EXPH5: variants seen among roughly 807,000 people sequenced by gnomAD.
EXPH5 encodes exophilin-5.
A neutral mutation model predicts 41.1 loss-of-function variants in EXPH5; 42 were observed. The ratio of observed to expected loss-of-function variants is 1.02; its 90% confidence interval spans 0.80 to 1.32. The LOEUF (loss-of-function observed/expected upper bound fraction) is 1.32. Ranked by LOEUF, EXPH5 falls within the 40% of genes most tolerant of loss-of-function variation. The pLI, the probability that EXPH5 is intolerant of heterozygous loss-of-function variation, is 0.00. For missense variants in EXPH5, 2,298 were observed against 2,314.5 expected (o/e 0.99, Z 0.15); for synonymous variants, 798 against 833.5 (o/e 0.96, Z 0.73).
intron 1 of EXPH5, among the ~76,000 whole-genome samples, chr11:108,570,588 C>T (rs930650948): frequency 3.3e-5 from 5 of 152,142 alleles, no homozygotes; most frequent in African/African-American, 1.2e-4. Flanking sequence ...CTCTGTTGCT[C>T]GGGCTGCAGT....
chr11:108,600,588 A>G, the EXPH5 span, among the ~76,000 whole-genome samples: 13 of 152,324 alleles, frequency 8.5e-5, no homozygotes, highest in African/African-American at 3.1e-4. Context: ...AGGACCTACT[A>G]GTGTCTGGGT....
chr11:108,521,959 C>A (rs1439768076), intron 4 of EXPH5, among the ~76,000 whole-genome samples: 1 of 152,126 alleles, frequency 6.6e-6, no homozygotes, highest in Admixed American at 6.5e-5. Flanking sequence ...ACAGAGGGGT[C>A]ACGTGAAGAG....
At position 108,512,370 on chromosome 11, in the gene EXPH5, C is replaced by G. The variant is rs369838296; in HGVS notation, c.3137G>C (p.Arg1046Thr). The change falls in exon 6 of 6, where the codon AGG becomes ACG. Residue 1046 changes from arginine (R) to threonine (T), a missense_variant. Transcript: ENST00000265843. ...GATTTGGAAGGGAGGTGGCCCATTCCTCAATGAAGCAGCCATTATTTTACT... is the reference window on the plus strand; with the variant it reads ...GATTTGGAAGGGAGGTGGCCCATTCGTCAATGAAGCAGCCATTATTTTACT... ...SGSKIMAASL[R>T]NGPPPFQIKN... The G allele has an allele frequency of 8.7e-6, 14 of 1,609,780 alleles. No homozygotes were observed. Among genetic ancestry groups the G allele is most frequent in the African/African-American group, 1.3e-5 (1 of 74,786 alleles).
intron 1 of EXPH5, among the ~76,000 whole-genome samples, chr11:108,557,262 G>A (rs112701403): frequency 3.9e-5 from 6 of 152,240 alleles, no homozygotes; most frequent in African/African-American, 1.4e-4. Flanking sequence ...AGGCTGGAGT[G>A]TTTCCAGAAA....
chr11:108,560,952 A>G (rs2094008597), intron 1 of EXPH5, among the ~76,000 whole-genome samples: 1 of 152,242 alleles, frequency 6.6e-6, no homozygotes, highest in African/African-American at 2.4e-5. Flanking sequence ...ATCATGTATT[A>G]AATAATTTAT....
Position 108,513,039 on chromosome 11 carries a change from G to A in EXPH5, c.2468C>T (p.Pro823Leu). Residue 823 changes from proline to leucine, a missense_variant, in exon 6 of 6, where the codon CCC (proline) becomes CTC (leucine). Pro to Leu is a moderately conservative substitution (Grantham distance 98). Coordinates refer to ENST00000265843, the MANE Select transcript of EXPH5 (RefSeq NM_015065.3). ...IQEHRTPPSF[P>L]RTDQGCHQEL... ...CTGGTGACAACCTTGGTCTGTCCTG[G>A]GGAAAGATGGTGGTGTTCTGTGTTC... The A allele has an allele frequency of 6.2e-7, 1 of 1,613,762 alleles. No homozygotes were observed. Among genetic ancestry groups the A allele is most frequent in the Non-Finnish European group, 8.5e-7 (1 of 1,179,904 alleles).
intron 4 of EXPH5, among the ~76,000 whole-genome samples, chr11:108,519,484 C>T (rs778246601): frequency 6.6e-6 from 1 of 152,134 alleles, no homozygotes; most frequent in South Asian, 2.1e-4. Flanking sequence ...CAGTGGCGCA[C>T]ACCTGTAATC....
At chr11:108,516,919 G>C (rs2093730464) in intron 5 of EXPH5, among the ~76,000 whole-genome samples, 1 of 152,118 alleles carries the variant, frequency 6.6e-6, no homozygotes, top group South Asian at 2.1e-4. Flanking sequence ...CAAAACAACT[G>C]CATAATGAAT....
chr11:108,550,346 T>C (rs1161933568), intron 1 of EXPH5, among the ~76,000 whole-genome samples: 1 of 152,146 alleles, frequency 6.6e-6, no homozygotes, highest in Non-Finnish European at 1.5e-5. Context: ...TGAAGGCATC[T>C]TAGACCATCC....
chr11:108,564,882 A>C (rs1485430076), intron 1 of EXPH5, among the ~76,000 whole-genome samples: 1 of 128,370 alleles, frequency 7.8e-6, no homozygotes, highest in African/African-American at 2.8e-5. Flanking sequence ...ATTATTTATT[A>C]TGTTTATTGG....
chr11:108,552,790 G>A (rs2093972899), intron 1 of EXPH5, among the ~76,000 whole-genome samples: 1 of 152,132 alleles, frequency 6.6e-6, no homozygotes, highest in Non-Finnish European at 1.5e-5. Flanking sequence ...TTGCTAGTGT[G>A]TGCCTGTAAT....
At chr11:108,572,271 CG>C (rs2094063029) in intron 1 of EXPH5, among the ~76,000 whole-genome samples, 1 of 152,140 alleles carries the variant, frequency 6.6e-6, no homozygotes, top group African/African-American at 2.4e-5. Context: ...TAAATAGCTC[CG>C]GGGCAGAAGA....
At chr11:108,572,050 CA>C (rs34491366) in intron 1 of EXPH5, among the ~76,000 whole-genome samples, 59 of 140,508 alleles carry the variant, frequency 4.2e-4, no homozygotes, top group Non-Finnish European at 4.5e-4. Flanking sequence ...ACTCTGTCTC[CA>C]AAAAAAAAAA....
At chr11:108,538,612 T>C (rs1294766470) in intron 3 of EXPH5, among the ~76,000 whole-genome samples, 1 of 152,174 alleles carries the variant, frequency 6.6e-6, no homozygotes, top group Non-Finnish European at 1.5e-5. Flanking sequence ...ATCTAGTCGT[T>C]ACCCCAACTC....
At chr11:108,522,616 A>G (rs528494015) in intron 4 of EXPH5, among the ~76,000 whole-genome samples, 3 of 152,158 alleles carry the variant, frequency 2.0e-5, no homozygotes, top group Non-Finnish European at 4.4e-5. Context: ...TGTAGCAGGC[A>G]TTCTCTGAAG....
At chr11:108,535,753 G>A (rs139746488) in intron 3 of EXPH5, among the ~76,000 whole-genome samples, 330 of 152,328 alleles carry the variant, frequency 2.2e-3, no homozygotes, top group African/African-American at 7.7e-3. Context: ...ATGCCTGAGA[G>A]TAGCTAGGTG....
At chr11:108,517,943 G>C (rs1231350770) in intron 5 of EXPH5, among the ~76,000 whole-genome samples, 1 of 152,026 alleles carries the variant, frequency 6.6e-6, no homozygotes, top group Non-Finnish European at 1.5e-5. Flanking sequence ...ATTTTCAGTA[G>C]AGATGGGGTC....
intron 1 of EXPH5, among the ~76,000 whole-genome samples, chr11:108,581,694 T>A: frequency 6.6e-6 from 1 of 150,842 alleles, no homozygotes. Context: ...TAAAGAAAAA[T>A]CAAAGTAAGA....
At chr11:108,548,487 A>G (rs1414654487) in intron 1 of EXPH5, among the ~76,000 whole-genome samples, 1 of 152,230 alleles carries the variant, frequency 6.6e-6, no homozygotes, top group Non-Finnish European at 1.5e-5. Flanking sequence ...GAAATATTTT[A>G]AGGATAACTC....
Sources: gnomAD v4.1 joint callset for allele counts (sites outside exome capture counted in the v4.1 genomes callset) on GRCh38, gnomAD v4.1.1 for gene constraint, MANE v1.5 for transcripts, NCBI Gene and HGNC (gene_info 2026-07-23, HGNC 2026-07-21) for gene names.